Variants in MKX observed in about 807,000 individuals in gnomAD.
MKX encodes homeobox protein Mohawk.
MKX carries 13 observed loss-of-function variants against 36.0 expected under a neutral mutation model. The observed-to-expected ratio is 0.36, with a 90% CI of 0.24 to 0.57. MKX has a LOEUF of 0.57. Among genes scored for constraint, MKX ranks in the 20% least tolerant of loss-of-function variants. The pLI is 0.79. For missense variants in MKX, 458 were observed against 456.4 expected (o/e 1.00, Z -0.03); for synonymous variants, 176 against 178.3 (o/e 0.99, Z 0.10).
At chr10:27,698,567 G>A (rs961729942) in intron 5 of MKX, among the ~76,000 whole-genome samples, 4 of 152,140 alleles carry the variant, frequency 2.6e-5, no homozygotes, top group Non-Finnish European at 5.9e-5. Flanking sequence ...TGACTGGGTG[G>A]TCGGCAACGG....
intron 5 of MKX, among the ~76,000 whole-genome samples, chr10:27,701,880 G>GTA (rs1172818301): frequency 4.0e-5 from 6 of 150,204 alleles, no homozygotes; most frequent in Admixed American, 2.0e-4. Flanking sequence ...ATGTACATGT[G>GTA]TATATATATA....
rs1434857566 is a variant in MKX, at chr10:27,744,353, G to A, written c.-82-856C>T. Among the ~76,000 whole-genome samples, 1 of 152,104 alleles carries A rather than the reference G, an allele frequency of 6.6e-6. No individual in the cohort carries two copies. The highest frequency in any genetic ancestry group is 2.4e-5 in the African/African-American group (1 of 41,422). On this transcript the variant is annotated intron_variant, in intron 1 of 6. Coordinates refer to ENST00000419761, the MANE Select transcript of MKX (RefSeq NM_173576.3). The surrounding 1 kb of genome is among the most constrained non-coding windows in gnomAD (Gnocchi z 5.6). ...ACCCGCCTCTCTCTGGGGTCTCCGGGGACCCTTTCAGAGGCTGTAAAGGTG... is the reference window on the plus strand; with the variant it reads ...ACCCGCCTCTCTCTGGGGTCTCCGGAGACCCTTTCAGAGGCTGTAAAGGTG...
At chr10:27,699,270 ATAGGAG>A (rs1589665991) in intron 5 of MKX, among the ~76,000 whole-genome samples, 1 of 152,234 alleles carries the variant, frequency 6.6e-6, no homozygotes. Flanking sequence ...GAAATATTTA[ATAGGAG>A]TTTTATTTTA....
intron 5 of MKX, among the ~76,000 whole-genome samples, chr10:27,720,513 T>G (rs1564360665): frequency 6.6e-6 from 1 of 152,216 alleles, no homozygotes; most frequent in South Asian, 2.1e-4. Flanking sequence ...TTAAATAGAT[T>G]AAAAGAGGAC....
chr10:27,682,530 G>A (rs1423618815), intron 5 of MKX, among the ~76,000 whole-genome samples: 1 of 152,102 alleles, frequency 6.6e-6, no homozygotes. Context: ...TTACACAAGT[G>A]CATCATTTTT....
chr10:27,737,658 C>T (rs1217416365), intron 3 of MKX, among the ~76,000 whole-genome samples: 1 of 152,072 alleles, frequency 6.6e-6, no homozygotes, highest in Non-Finnish European at 1.5e-5. Flanking sequence ...GTACTGTCTC[C>T]AGCAAGAGTG....
At chr10:27,678,459 T>C (rs1589649244) in intron 5 of MKX, among the ~76,000 whole-genome samples, 1 of 152,122 alleles carries the variant, frequency 6.6e-6, no homozygotes, top group South Asian at 2.1e-4. Flanking sequence ...TAACAAAACA[T>C]AATTTAGAGA....
chr10:27,683,203 G>A (rs576249867), intron 5 of MKX, among the ~76,000 whole-genome samples: 39 of 152,218 alleles, frequency 2.6e-4, no homozygotes, highest in African/African-American at 7.5e-4. Flanking sequence ...TCCGTGGCCC[G>A]GGGATGGGGG....
At chr10:27,691,844 G>A (rs1322002991) in intron 5 of MKX, among the ~76,000 whole-genome samples, 1 of 152,152 alleles carries the variant, frequency 6.6e-6, no homozygotes. Context: ...TTAGGATGAT[G>A]GCCTTCAGCT....
At chr10:27,696,554 A>C (rs150934047) in intron 5 of MKX, among the ~76,000 whole-genome samples, 1 of 152,310 alleles carries the variant, frequency 6.6e-6, no homozygotes, top group East Asian at 1.9e-4. Flanking sequence ...TTCTCAAAAG[A>C]GCACAAGCTG....
chr10:27,705,711 GA>G (rs1213437423), intron 5 of MKX, among the ~76,000 whole-genome samples: 1 of 152,090 alleles, frequency 6.6e-6, no homozygotes, highest in African/African-American at 2.4e-5. Flanking sequence ...TTAGTATCTG[GA>G]CAGAGTACCA....
Position 27,741,651 on chromosome 10 carries a change from A to G in MKX, c.189-147T>C. The G allele has an allele frequency of 1.1e-6, 1 of 878,998 alleles. No individual in the cohort carries two copies. The highest frequency in any genetic ancestry group is 1.7e-6 in the Non-Finnish European group (1 of 600,176). The allele number at this position is 878,998 out of a possible 1,614,324, so 54.4% of individuals were successfully genotyped here. On this transcript the variant is annotated intron_variant, in intron 2 of 6. Coordinates refer to ENST00000419761, the MANE Select transcript of MKX (RefSeq NM_173576.3). This position sits in a 1 kb window ranked among gnomAD's most constrained non-coding sequence, Gnocchi z 5.1. ...TTTGCGCGCGCCCAGAGTGTTTGGG[A>G]GAGGCAGGAAGTGGGAGCCACACAG... is the stretch of plus-strand genomic sequence containing the variant.
rs1407864086 is a variant in MKX, at chr10:27,743,391, G to A, written c.25C>T (p.Leu9Phe). MNTIVFNK[L>F]SGAVLFEDGG... ...TCCTCAAACAGCACCGCACCGCTGA[G>A]CTTGTTGAAGACGATGGTGTTCATG... The change falls in exon 2 of 7, where the codon CTC becomes TTC. Residue 9 changes from leucine (L) to phenylalanine (F), a missense_variant. This residue lies in a region of MKX where 149 missense variants were observed against 114.3 expected (regional missense o/e 1.30). Transcript: ENST00000419761. 6.4e-7 allele frequency: 1 copy of A among 1,567,446 alleles called. No homozygotes were observed. Among genetic ancestry groups the A allele is most frequent in the Admixed American group, 1.9e-5 (1 of 52,690 alleles).
chr10:27,711,463 CTTTCTTTCTTTCTTTCTT>C (rs758639826), intron 5 of MKX, among the ~76,000 whole-genome samples: 4,602 of 18,996 alleles, frequency 0.24, 114 homozygotes, highest in East Asian at 0.35. Context: ...TTCTTTCTTT[CTTTCTTTCTTTCTTTCTT>C]TCTCTCTCTC....
chr10:27,704,481 A>T (rs1836715638), intron 5 of MKX, among the ~76,000 whole-genome samples: 1 of 152,114 alleles, frequency 6.6e-6, no homozygotes, highest in South Asian at 2.1e-4. Flanking sequence ...AACATGAGTA[A>T]AAAGAAAAAT....
At chr10:27,681,091 G>A (rs1836245932) in intron 5 of MKX, among the ~76,000 whole-genome samples, 1 of 152,212 alleles carries the variant, frequency 6.6e-6, no homozygotes, top group African/African-American at 2.4e-5. Context: ...CTATCACCTA[G>A]TGACATCGTA....
At chr10:27,685,155 T>A (rs1043950132) in intron 5 of MKX, among the ~76,000 whole-genome samples, 2 of 152,152 alleles carry the variant, frequency 1.3e-5, no homozygotes, top group South Asian at 2.1e-4. Context: ...GTCATGTTTT[T>A]AACCCCTGCA....
In MKX at chr10:27,674,534, C is replaced by T. The variant is rs1259251035; in HGVS notation, c.*695G>A. 1 of 151,704 alleles carries T rather than the reference C, an allele frequency of 6.6e-6. No individual in the cohort carries two copies. The highest frequency in any genetic ancestry group is 2.4e-5 in the African/African-American group (1 of 41,128). The allele number at this position is 151,704 out of a possible 1,614,324, so 9.4% of individuals were successfully genotyped here. ...TTCTAAAGGGCTTTGTGGTGCTTTC[C>T]AACAGTGCTTGAAAAAAAGTTTTCC... On this transcript the variant is annotated 3_prime_UTR_variant, in exon 7 of 7. Coordinates refer to ENST00000419761, the MANE Select transcript of MKX (RefSeq NM_173576.3).
Position 27,745,738 on chromosome 10 carries a change from G to A in MKX, c.-114C>T, listed in dbSNP as rs1198656347. ...CTGCGGGGCCGACGGCCGGCTGCAGGGCGGCTGGCTCTCCCGCCTCGAGAC... is the reference window on the plus strand; with the variant it reads ...CTGCGGGGCCGACGGCCGGCTGCAGAGCGGCTGGCTCTCCCGCCTCGAGAC... On this transcript the variant is annotated 5_prime_UTR_variant, in exon 1 of 7. Coordinates refer to ENST00000419761, the MANE Select transcript of MKX (RefSeq NM_173576.3). The A allele has an allele frequency of 1.3e-5, 2 of 152,578 alleles. No individual in the cohort carries two copies. The highest frequency in any genetic ancestry group is 4.1e-4 in the South Asian group (2 of 4,834). The allele number at this position is 152,578 out of a possible 1,614,324, so 9.5% of individuals were successfully genotyped here.
Sources: allele counts gnomAD v4.1 joint callset (sites outside exome capture counted in the v4.1 genomes callset), GRCh38; gene constraint gnomAD v4.1.1; regional missense constraint gnomAD v4.1.1; non-coding constraint Gnocchi (gnomAD v3.1); transcripts MANE v1.5; gene names NCBI Gene and HGNC (gene_info 2026-07-23, HGNC 2026-07-21).